EXOSC7: variants seen among roughly 807,000 people sequenced by gnomAD.
EXOSC7 encodes exosome complex component RRP42.
A neutral mutation model predicts 34.3 loss-of-function variants in EXOSC7; 25 were observed. That is an observed-to-expected ratio of 0.73 (90% confidence interval 0.53 to 1.02). The LOEUF (loss-of-function observed/expected upper bound fraction) is 1.02. Ranked by LOEUF, EXOSC7 falls within the 50% of genes least tolerant of loss-of-function variation. The pLI is 0.00. For synonymous variants in EXOSC7, 130 were observed against 143.0 expected (o/e 0.91, Z 0.65); for missense variants, 370 against 368.5 (o/e 1.00, Z -0.03).
chr3:44,995,441 C>T (rs1478185173), intron 3 of EXOSC7, among the ~76,000 whole-genome samples: 1 of 152,202 alleles, frequency 6.6e-6, no homozygotes, highest in Non-Finnish European at 1.5e-5. Context: ...GAAAGGTAAA[C>T]ATTTTGAGTG....
rs1706742769 is a variant in EXOSC7, at chr3:44,997,124, G to C, written c.292G>C (p.Gly98Arg). 6.2e-7 allele frequency: 1 copy of C among 1,612,510 alleles called. No individual in the cohort carries two copies. Among genetic ancestry groups the C allele is most frequent in the Admixed American group, 1.7e-5 (1 of 59,882 alleles). ...SATPEFEGRGGDDLGTEIANT... is the reference protein window; with the variant it reads ...SATPEFEGRGRDDLGTEIANT... ...TACCCCTGAATTTGAAGGTAGAGGA[G>C]GTGATGACCTTGGCACCGAGATCGC... Residue 98 changes from glycine (G) to arginine (R), a missense_variant, in exon 4 of 8, where the codon GGT becomes CGT. Gly to Arg is a moderately radical substitution (Grantham distance 125). This residue lies in a region of EXOSC7 where 255 missense variants were observed against 246.4 expected (regional missense o/e 1.03). Transcript: ENST00000265564.
At chr3:44,990,815 C>A (rs1003474601) in intron 3 of EXOSC7, among the ~76,000 whole-genome samples, 6 of 152,158 alleles carry the variant, frequency 3.9e-5, no homozygotes, top group African/African-American at 9.7e-5. Context: ...AGTGGACTAC[C>A]CCCATCAGTT....
In EXOSC7 at chr3:45,009,762, G is replaced by A. The variant is rs563858920; in HGVS notation, c.772-1473G>A. On this transcript the variant is annotated intron_variant, in intron 7 of 7. Coordinates refer to ENST00000265564, the MANE Select transcript of EXOSC7 (RefSeq NM_015004.4). ...GGGGTTTCAGTATGTTTGCCAGGCT[G>A]GTCTTGAACTCCTGACCTTGTGATC... Among the ~76,000 whole-genome samples, 24 of 152,190 alleles carry A rather than the reference G, an allele frequency of 1.6e-4. No individual in the cohort carries two copies. In the South Asian group the frequency reaches 4.8e-3, roughly 30 times the overall value.
chr3:44,989,065 G>T, intron 1 of EXOSC7, 75 bp from the exon 2 acceptor site: 2 of 964,776 alleles, frequency 2.1e-6, no homozygotes, highest in South Asian at 1.4e-5. Context: ...CTTCTCTAGG[G>T]GGAAAATGGG....
In EXOSC7 at chr3:44,996,977, G is replaced by C; in HGVS notation, c.255-110G>C. The C allele has an allele frequency of 2.7e-6, 3 of 1,104,486 alleles. No homozygotes were observed. In the Admixed American group the frequency reaches 6.1e-5, roughly 22 times the overall value. The allele number at this position is 1,104,486 out of a possible 1,614,324, so 68.4% of individuals were successfully genotyped here. A position where few individuals can be genotyped will look rare whatever the true frequency, so the allele number is the denominator to read the frequency against. On this transcript the variant is annotated intron_variant, in intron 3 of 7. Transcript: ENST00000265564. ...TTCCTCATCTCAGTGACTTTCTGTC[G>C]AGCAGCTGGCTCTTCCAGCATTCTA...
At chr3:44,978,063 A>G (rs1706164914) in intron 1 of EXOSC7, among the ~76,000 whole-genome samples, 1 of 152,248 alleles carries the variant, frequency 6.6e-6, no homozygotes. Context: ...TAAATGAAAG[A>G]TAGGAGGGAG....
At chr3:44,978,001 T>C (rs546599427) in intron 1 of EXOSC7, among the ~76,000 whole-genome samples, 1 of 152,338 alleles carries the variant, frequency 6.6e-6, no homozygotes, top group African/African-American at 2.4e-5. Context: ...TATATCTAGC[T>C]CCTGGCATGT....
chr3:44,989,562 A>C lies in EXOSC7; in HGVS notation c.172A>C (p.Ile58Leu). Reference protein sequence around the residue: ...SARVKLGHTDILVGVKAEMGT... With the variant: ...SARVKLGHTDLLVGVKAEMGT... Reference sequence around the variant, plus strand: ...CATGTGTCTGCAGGGTCACACAGACATCTTGGTGGGAGTGAAAGCAGAAAT... The same window carrying C: ...CATGTGTCTGCAGGGTCACACAGACCTCTTGGTGGGAGTGAAAGCAGAAAT... Residue 58 changes from isoleucine to leucine, a missense_variant, in exon 3 of 8, where the codon ATC becomes CTC. By Grantham distance (5) the Ile-to-Leu change is conservative (BLOSUM62 2). Coordinates refer to ENST00000265564, the MANE Select transcript of EXOSC7 (RefSeq NM_015004.4). 3 of 1,613,930 alleles carry C rather than the reference A, an allele frequency of 1.9e-6. No individual in the cohort carries two copies. The highest frequency in any genetic ancestry group is 2.5e-6 in the Non-Finnish European group (3 of 1,179,880).
chr3:44,984,963 TG>T (rs1706367893), intron 1 of EXOSC7, among the ~76,000 whole-genome samples: 1 of 152,242 alleles, frequency 6.6e-6, no homozygotes, highest in Admixed American at 6.5e-5. Context: ...CTAAGTCAAG[TG>T]GCTAGTTAGT....
At chr3:45,004,554 C>CA (rs1328235994) in intron 5 of EXOSC7, 52 of 127,046 alleles carry the variant, frequency 4.1e-4, no homozygotes, top group African/African-American at 1.4e-3. Context: ...CCATGCCTGG[C>CA]GTTTTTTTTT....
downstream of EXOSC7, chr3:45,012,089 C>T (rs998264877): frequency 6.6e-6 from 1 of 152,188 alleles, no homozygotes; most frequent in Non-Finnish European, 1.5e-5. Flanking sequence ...CTTGCTGGCC[C>T]AGAAGGCTCT....
At chr3:44,978,833 T>G (rs1230876976) in intron 1 of EXOSC7, among the ~76,000 whole-genome samples, 2 of 152,200 alleles carry the variant, frequency 1.3e-5, no homozygotes, top group Admixed American at 6.5e-5. Context: ...TCGCTCATCA[T>G]GGATCTTGGA....
intron 7 of EXOSC7, among the ~76,000 whole-genome samples, 198 bp from the exon 8 acceptor site, chr3:45,011,037 A>G (rs976125273): frequency 1.3e-5 from 2 of 151,996 alleles, no homozygotes; most frequent in Non-Finnish European, 1.5e-5. Flanking sequence ...TTTTGATATG[A>G]CGATTTTTAC....
At chr3:44,979,272 G>A (rs1559740064) in intron 1 of EXOSC7, among the ~76,000 whole-genome samples, 1 of 152,142 alleles carries the variant, frequency 6.6e-6, no homozygotes, top group African/African-American at 2.4e-5. Context: ...ATAGAGTGCC[G>A]GCAGTGCACC....
intron 4 of EXOSC7, among the ~76,000 whole-genome samples, chr3:44,999,148 G>C (rs1162781684): frequency 1.3e-5 from 2 of 152,170 alleles, no homozygotes; most frequent in African/African-American, 4.8e-5. Context: ...AGCAACAGAA[G>C]CCTGTTCTAT....
At chr3:45,006,799 C>T (rs1351781930) in intron 6 of EXOSC7, among the ~76,000 whole-genome samples, 3 of 142,188 alleles carry the variant, frequency 2.1e-5, no homozygotes, top group Admixed American at 1.4e-4. Context: ...GCTGCAACCC[C>T]CCCACCCGCC....
At chr3:44,994,899 GTGTGTGTT>G (rs1413294904) in intron 3 of EXOSC7, among the ~76,000 whole-genome samples, 8 of 109,200 alleles carry the variant, frequency 7.3e-5, no homozygotes, top group Non-Finnish European at 1.3e-4. Context: ...GTGTGTGTGT[GTGTGTGTT>G]TTAAGCCATT....
At chr3:45,007,275 C>A in intron 6 of EXOSC7, 145 bp from the exon 7 acceptor site, 1 of 794,424 alleles carries the variant, frequency 1.3e-6, no homozygotes, top group Non-Finnish European at 1.9e-6. Context: ...CAGCTGTTTT[C>A]CTCGTGAGCA....
At chr3:44,985,283 T>A (rs1576003808) in intron 1 of EXOSC7, among the ~76,000 whole-genome samples, 1 of 152,338 alleles carries the variant, frequency 6.6e-6, no homozygotes. Context: ...GAAATTCTGT[T>A]GCTTTTTGAA....
Sources: gnomAD v4.1 joint callset for allele counts (sites outside exome capture counted in the v4.1 genomes callset) on GRCh38, gnomAD v4.1.1 for gene constraint, gnomAD v4.1.1 regional missense constraint, MANE v1.5 for transcripts, NCBI Gene and HGNC (gene_info 2026-07-23, HGNC 2026-07-21) for gene names.